Variants in FHIT observed in about 807,000 individuals in gnomAD.
FHIT encodes the protein bis(5'-adenosyl)-triphosphatase.
FHIT carries 19 observed loss-of-function variants against 17.9 expected under a neutral mutation model. The observed-to-expected ratio is 1.06, with a 90% CI of 0.74 to 1.56. The LOEUF (loss-of-function observed/expected upper bound fraction) is 1.56. Ranked by LOEUF, FHIT falls within the 40% of genes most tolerant of loss-of-function variation. The pLI is 0.00. For synonymous variants in FHIT, 81 were observed against 69.7 expected (o/e 1.16, Z -0.81); for missense variants, 248 against 189.2 (o/e 1.31, Z -1.82).
At chr3:60,634,856 A>G (rs1156361654) in intron 4 of FHIT, among the ~76,000 whole-genome samples, 3 of 152,190 alleles carry the variant, frequency 2.0e-5, no homozygotes, top group African/African-American at 4.8e-5. Context: ...TTGCATTCCC[A>G]TGTGGAAAAT....
rs148565117 is a variant in FHIT, at chr3:60,625,494, T to C, written c.-17-88515A>G. On this transcript the variant is annotated intron_variant, in intron 4 of 9. Transcript: ENST00000492590. ...GGTATCTCACTATGGTTTTGATTTG[T>C]ATTTTCTTGATGACTAGTGATGCTG... Among the ~76,000 whole-genome samples the C allele has an allele frequency of 7.8e-3, 1,183 of 152,312 alleles. 18 individuals carry two copies. Among genetic ancestry groups the C allele is most frequent in the African/African-American group, 0.026 (1,069 of 41,576 alleles).
chr3:60,973,393 A>G (rs2107534138), intron 3 of FHIT, among the ~76,000 whole-genome samples: 1 of 152,224 alleles, frequency 6.6e-6, no homozygotes, highest in South Asian at 2.1e-4. Context: ...TTACTCCTGT[A>G]TCAGATATTT....
chr3:59,965,514 G>A (rs1245736494), intron 7 of FHIT, among the ~76,000 whole-genome samples: 1 of 152,142 alleles, frequency 6.6e-6, no homozygotes, highest in African/African-American at 2.4e-5. Flanking sequence ...CAGCTAGAGT[G>A]TAAAATCACT....
At chr3:60,562,034 G>A (rs990115803) in intron 4 of FHIT, among the ~76,000 whole-genome samples, 6 of 151,996 alleles carry the variant, frequency 3.9e-5, no homozygotes, top group South Asian at 2.1e-4. Flanking sequence ...GTTATTACCC[G>A]AAAACATGCT....
At chr3:60,522,106 G>GTTTTTT (rs372184170) in intron 5 of FHIT, among the ~76,000 whole-genome samples, 1 of 133,318 alleles carries the variant, frequency 7.5e-6, no homozygotes. Flanking sequence ...GCAACCAGAA[G>GTTTTTT]TTTTTTTTTT....
chr3:60,946,801 C>G (rs1412354344), intron 3 of FHIT, among the ~76,000 whole-genome samples: 1 of 152,088 alleles, frequency 6.6e-6, no homozygotes, highest in Non-Finnish European at 1.5e-5. Flanking sequence ...GGGGAAGCCT[C>G]CTTAAGAGTT....
At chr3:60,953,875 T>TTATAGTTCTATGAAGGACTATGAAC (rs1211803300) in intron 3 of FHIT, among the ~76,000 whole-genome samples, 3 of 152,228 alleles carry the variant, frequency 2.0e-5, no homozygotes, top group Non-Finnish European at 4.4e-5. Flanking sequence ...AAGATGTCCA[T>TTATAGTTCTATGAAGGACTATGAAC]TATAGTTCTA....
chr3:59,987,647 T>C (rs1709044874), intron 7 of FHIT, among the ~76,000 whole-genome samples: 1 of 151,936 alleles, frequency 6.6e-6, no homozygotes, highest in African/African-American at 2.4e-5. Context: ...TCTCTGCCTT[T>C]AATTAATAAG....
chr3:60,842,646 T>TATATATATATATATATATATA (rs1491100730), intron 3 of FHIT, among the ~76,000 whole-genome samples: 6 of 80,262 alleles, frequency 7.5e-5, no homozygotes, highest in African/African-American at 3.1e-4. Context: ...TATATATATA[T>TATATATATATATATATATATA]TTTTTTTTTT....
At chr3:60,625,038 A>G (rs1395081955) in intron 4 of FHIT, among the ~76,000 whole-genome samples, 1 of 152,070 alleles carries the variant, frequency 6.6e-6, no homozygotes, top group Non-Finnish European at 1.5e-5. Context: ...CCTCCCAAGT[A>G]TCTGGGACTA....
At chr3:60,368,229 T>C (rs1201462001) in intron 5 of FHIT, among the ~76,000 whole-genome samples, 4 of 151,682 alleles carry the variant, frequency 2.6e-5, no homozygotes, top group Non-Finnish European at 5.9e-5. Context: ...GAGGAACTGT[T>C]TTCCAAAGTG....
At chr3:60,753,919 T>C (rs1159681294) in intron 4 of FHIT, among the ~76,000 whole-genome samples, 1 of 151,162 alleles carries the variant, frequency 6.6e-6, no homozygotes, top group Non-Finnish European at 1.5e-5. Flanking sequence ...ACAGGATAAA[T>C]AAAAGATTAC....
chr3:59,875,215 C>T (rs935457561), intron 8 of FHIT, among the ~76,000 whole-genome samples: 1 of 152,182 alleles, frequency 6.6e-6, no homozygotes, highest in Non-Finnish European at 1.5e-5. Flanking sequence ...ATTTTGAATG[C>T]TTCTTTTGTC....
At chr3:60,083,063 C>A (rs1703357631) in intron 5 of FHIT, among the ~76,000 whole-genome samples, 1 of 152,068 alleles carries the variant, frequency 6.6e-6, no homozygotes, top group South Asian at 2.1e-4. Flanking sequence ...AAAGACATTT[C>A]CTAACTTTTC....
At chr3:61,161,785 A>G (rs1288060758) in intron 2 of FHIT, among the ~76,000 whole-genome samples, 1 of 152,210 alleles carries the variant, frequency 6.6e-6, no homozygotes, top group East Asian at 1.9e-4. Context: ...ACACAACTCA[A>G]TCAAAACCAG....
chr3:61,236,236 GATATATAAATATAA>G (rs1462577367), intron 1 of FHIT, among the ~76,000 whole-genome samples: 2 of 146,928 alleles, frequency 1.4e-5, no homozygotes, highest in Admixed American at 1.4e-4. Context: ...ATATAATATA[GATATATAAATATAA>G]ATATATATTA....
At chr3:60,271,200 G>C (rs1315168994) in intron 5 of FHIT, among the ~76,000 whole-genome samples, 1 of 151,996 alleles carries the variant, frequency 6.6e-6, no homozygotes, top group Non-Finnish European at 1.5e-5. Context: ...AGGAGTTCAA[G>C]ACCAGCCTGG....
intron 5 of FHIT, among the ~76,000 whole-genome samples, chr3:60,402,606 C>G (rs1305804797): frequency 6.6e-6 from 1 of 152,176 alleles, no homozygotes; most frequent in East Asian, 1.9e-4. Flanking sequence ...CAACAACATG[C>G]ACCAGATTTC....
intron 2 of FHIT, among the ~76,000 whole-genome samples, chr3:61,152,072 G>C (rs1018061470): frequency 2.6e-5 from 4 of 152,038 alleles, no homozygotes; most frequent in African/African-American, 9.7e-5. Flanking sequence ...TAAGTATATG[G>C]GTGGGTAGGT....
Sources: gnomAD v4.1 joint callset for allele counts (sites outside exome capture counted in the v4.1 genomes callset) on GRCh38, gnomAD v4.1.1 for gene constraint, MANE v1.5 for transcripts, NCBI Gene and HGNC (gene_info 2026-07-23, HGNC 2026-07-21) for gene names.